The following PLSCR2 variants were observed in gnomAD, a reference collection of about 807,000 sequenced individuals.
The protein encoded by PLSCR2 is phospholipid scramblase 2, also known as PL scramblase 2.
A neutral mutation model predicts 25.3 loss-of-function variants in PLSCR2; 18 were observed. That is an observed-to-expected ratio of 0.71 (90% CI 0.49 to 1.06). The LOEUF is 1.06. Ranked by LOEUF, PLSCR2 falls within the 50% of genes least tolerant of loss-of-function variation. The pLI, the probability that PLSCR2 is intolerant of heterozygous loss-of-function variation, is 0.00. For missense variants in PLSCR2, 243 were observed against 269.5 expected (o/e 0.90, Z 0.69); for synonymous variants, 88 against 87.3 (o/e 1.01, Z -0.04).
chr3:146,441,846 A>G (rs771367957), intron 6 of PLSCR2, 25 bp from the exon 7 acceptor site: 1 of 1,505,116 alleles, frequency 6.6e-7, no homozygotes, highest in South Asian at 1.2e-5. Context: ...AAATACAGAA[A>G]TGAATTCTCA....
upstream of PLSCR2, among the ~76,000 whole-genome samples, chr3:146,463,293 C>G (rs186947561): frequency 6.6e-6 from 1 of 152,078 alleles, no homozygotes; most frequent in Non-Finnish European, 1.5e-5. Context: ...TCTCCTGTCT[C>G]GGACTCCGGA....
At chr3:146,394,309 C>T (rs4615047) in intron 3 of PLSCR2, among the ~76,000 whole-genome samples, 1,839 of 151,818 alleles carry the variant, frequency 0.012, 42 homozygotes, top group African/African-American at 0.042. Flanking sequence ...CTCTTGTTGT[C>T]CAGGCTGGAG....
chr3:146,422,618 A>C (rs1032972837), intron 2 of PLSCR2, among the ~76,000 whole-genome samples: 6 of 152,116 alleles, frequency 3.9e-5, no homozygotes, highest in African/African-American at 1.2e-4. Context: ...TATGCACTGC[A>C]TAATTTATTA....
intron 3 of PLSCR2, among the ~76,000 whole-genome samples, chr3:146,392,862 C>T (rs59963401): frequency 0.51 from 71,402 of 139,140 alleles, 18,166 homozygotes; most frequent in South Asian, 0.72. Flanking sequence ...TTTTTTTTTT[C>T]CTAACTTTAT....
rs369012226 is a variant in PLSCR2 at position 146,466,833 on chromosome 3, C to CA, written c.-292-6550dup. Among the ~76,000 whole-genome samples, 324 of 152,224 alleles carry CA rather than the reference C, an allele frequency of 2.1e-3. 1 individual carries two copies. The highest frequency in any genetic ancestry group is 7.3e-3 in the African/African-American group (303 of 41,540). ...TGTTCCTATTTCATTGAATAAAAAA[C>CA]AAACAAAAAACCCCACATTCTCCCA... On this transcript the variant is annotated intron_variant, in intron 1 of 8. Transcript: ENST00000336685.
At chr3:146,400,432 A>T (rs1470122615) in intron 2 of PLSCR2, among the ~76,000 whole-genome samples, 1 of 151,530 alleles carries the variant, frequency 6.6e-6, no homozygotes, top group East Asian at 1.9e-4. Flanking sequence ...GTAATATAAT[A>T]TTTGTAAGAC....
upstream of PLSCR2, among the ~76,000 whole-genome samples, chr3:146,461,496 AT>A (rs1024271075): frequency 1.3e-5 from 2 of 152,200 alleles, no homozygotes; most frequent in Non-Finnish European, 2.9e-5. Flanking sequence ...AAATAAAATA[AT>A]TTTTTATAAA....
chr3:146,397,532 C>A, intron 2 of PLSCR2, among the ~76,000 whole-genome samples: 1 of 152,108 alleles, frequency 6.6e-6, no homozygotes, highest in Non-Finnish European at 1.5e-5. Flanking sequence ...AGATGACTTT[C>A]TTACAGAATC....
intron 2 of PLSCR2, 83 bp from the exon 3 acceptor site, chr3:146,458,536 G>T: frequency 1.1e-6 from 1 of 948,694 alleles, no homozygotes; most frequent in Non-Finnish European, 1.4e-6. Context: ...ATTTAATACT[G>T]CATATAATCA....
At chr3:146,427,047 A>T (rs1241317748) in intron 2 of PLSCR2, among the ~76,000 whole-genome samples, 1 of 152,240 alleles carries the variant, frequency 6.6e-6, no homozygotes. Context: ...TTAAAAATAC[A>T]ATTCTCCACT....
intron 2 of PLSCR2, among the ~76,000 whole-genome samples, chr3:146,459,491 A>G (rs1043575729): frequency 2.0e-5 from 3 of 152,194 alleles, no homozygotes; most frequent in African/African-American, 7.2e-5. Flanking sequence ...AGTAGTGATG[A>G]TTACAACGCT....
At chr3:146,469,059 G>A in intron 1 of PLSCR2, 5 of 876,492 alleles carry the variant, frequency 5.7e-6, no homozygotes, top group Non-Finnish European at 6.8e-6. Context: ...ATTGTAGAGG[G>A]CCTAGCATAG....
chr3:146,398,414 G>A (rs1414028190), intron 2 of PLSCR2, among the ~76,000 whole-genome samples: 1 of 151,596 alleles, frequency 6.6e-6, no homozygotes, highest in Non-Finnish European at 1.5e-5. Flanking sequence ...AATATTCTTT[G>A]AGATATTAAA....
intron 6 of PLSCR2, among the ~76,000 whole-genome samples, chr3:146,443,340 G>A (rs989535905): frequency 6.6e-6 from 1 of 151,946 alleles, no homozygotes; most frequent in Non-Finnish European, 1.5e-5. Flanking sequence ...GAGTAGGATT[G>A]GTATTCATTC....
intron 2 of PLSCR2, among the ~76,000 whole-genome samples, chr3:146,410,490 T>C (rs1456489341): frequency 1.3e-5 from 2 of 152,208 alleles, no homozygotes; most frequent in Non-Finnish European, 2.9e-5. Flanking sequence ...ATCAGGTGTA[T>C]GTTTTTCACA....
chr3:146,422,598 T>A (rs2039188908), intron 2 of PLSCR2, among the ~76,000 whole-genome samples: 1 of 152,054 alleles, frequency 6.6e-6, no homozygotes, highest in Non-Finnish European at 1.5e-5. Context: ...GCGGACCAAG[T>A]TGGAACAGCT....
At chr3:146,397,292 C>G (rs2038308553) in intron 2 of PLSCR2, among the ~76,000 whole-genome samples, 1 of 151,988 alleles carries the variant, frequency 6.6e-6, no homozygotes, top group Admixed American at 6.6e-5. Context: ...TGGTGTATTT[C>G]ATAATAAAAA....
intron 1 of PLSCR2, among the ~76,000 whole-genome samples, chr3:146,495,453 A>G (rs1002331993): frequency 6.6e-6 from 1 of 152,210 alleles, no homozygotes; most frequent in Non-Finnish European, 1.5e-5. Context: ...TTAATATGTT[A>G]AAGTCCTAAC....
upstream of PLSCR2, among the ~76,000 whole-genome samples, chr3:146,462,960 A>C (rs2041685564): frequency 6.6e-6 from 1 of 152,190 alleles, no homozygotes; most frequent in Admixed American, 6.5e-5. Context: ...TCAGCTAAAG[A>C]GCAAGAAAGG....
Sources: allele counts gnomAD v4.1 joint callset (sites outside exome capture counted in the v4.1 genomes callset), GRCh38; gene constraint gnomAD v4.1.1; transcripts MANE v1.5; gene names NCBI Gene and HGNC (gene_info 2026-07-23, HGNC 2026-07-21).